The following DCTN4 variants were observed in gnomAD, a reference collection of about 807,000 sequenced individuals.
DCTN4 encodes dynactin subunit 4.
DCTN4 carries 23 observed loss-of-function variants against 62.7 expected under a neutral mutation model. The ratio of observed to expected loss-of-function variants is 0.37; its 90% CI spans 0.26 to 0.52. The LOEUF (loss-of-function observed/expected upper bound fraction) is 0.52. Among genes scored for constraint, DCTN4 ranks in the 20% least tolerant of loss-of-function variants. DCTN4 has a pLI of 0.92. For missense variants in DCTN4, 514 were observed against 580.4 expected, an observed-to-expected ratio of 0.89 and a Z score of 1.18; for synonymous variants, 199 against 202.1, an observed-to-expected ratio of 0.98 and a Z score of 0.13.
At chr5:150,725,880 T>C (rs1365694223) in intron 8 of DCTN4, among the ~76,000 whole-genome samples, 1 of 151,168 alleles carries the variant, frequency 6.6e-6, no homozygotes, top group East Asian at 1.9e-4. Context: ...CTATTTATTA[T>C]ATTTTGTTAT....
intron 1 of DCTN4, chr5:150,758,597 G>A: frequency 8.3e-7 from 1 of 1,200,734 alleles, no homozygotes; most frequent in South Asian, 2.1e-5. Flanking sequence ...AAGCCCCATC[G>A]CAGACAGACA....
chr5:150,712,418 A>G (rs1476724068), intron 12 of DCTN4, among the ~76,000 whole-genome samples: 1 of 150,756 alleles, frequency 6.6e-6, no homozygotes, highest in African/African-American at 2.4e-5. Flanking sequence ...GCATAAGCCA[A>G]TGCACCCGGC....
intron 3 of DCTN4, among the ~76,000 whole-genome samples, chr5:150,745,487 C>A (rs1484643274): frequency 6.6e-6 from 1 of 152,194 alleles, no homozygotes; most frequent in Non-Finnish European, 1.5e-5. Context: ...ACAGAATATA[C>A]ATTTTTTTCA....
At position 150,744,142 on chromosome 5, in the gene DCTN4, T is replaced by A. The variant is rs201872669; in HGVS notation, c.386-1985A>T. Reference sequence around the variant, plus strand: ...CAAGGCTCGAGAACTACATGAAGAATGCAGAAGCCTCAGGAGTCGATGCGA... The same window carrying A: ...CAAGGCTCGAGAACTACATGAAGAAAGCAGAAGCCTCAGGAGTCGATGCGA... On this transcript the variant is annotated intron_variant, in intron 3 of 12. Coordinates refer to ENST00000447998, the MANE Select transcript of DCTN4 (RefSeq NM_016221.4). 4.6e-5 allele frequency among the ~76,000 whole-genome samples: 7 copies of A among 152,092 alleles called. No individual in the cohort carries two copies. In the East Asian group the frequency reaches 1.3e-3, roughly 29 times the overall value.
In DCTN4 at chr5:150,722,879, C is replaced by T. The variant is rs1453207475; in HGVS notation, c.908+28G>A. The T allele has an allele frequency of 3.8e-6, 6 of 1,585,782 alleles. No individual in the cohort carries two copies. The African/African-American group carries it at 6.8e-5, about 18-fold the overall frequency. ...AAACCAAAATAACTCAAAACAGTAACTGAAAACACCAATCCCAAAATACTT... is the reference window on the plus strand; with the variant it reads ...AAACCAAAATAACTCAAAACAGTAATTGAAAACACCAATCCCAAAATACTT... On this transcript the variant is annotated intron_variant, in intron 9 of 12. Transcript: ENST00000447998.
At chr5:150,744,372 T>C (rs1262366371) in intron 3 of DCTN4, among the ~76,000 whole-genome samples, 2 of 151,834 alleles carry the variant, frequency 1.3e-5, no homozygotes, top group African/African-American at 4.8e-5. Flanking sequence ...CTCTGCAGGA[T>C]ATTATCCAGG....
intron 5 of DCTN4, chr5:150,731,793 G>T: frequency 8.7e-7 from 1 of 1,148,994 alleles, no homozygotes; most frequent in Non-Finnish European, 1.3e-6. Context: ...ACTATGTGGA[G>T]TGTCTAAGAT....
intron 4 of DCTN4, among the ~76,000 whole-genome samples, chr5:150,738,853 A>G (rs12657872): frequency 0.15 from 22,898 of 152,114 alleles, 3,115 homozygotes; most frequent in African/African-American, 0.36. Flanking sequence ...TCGTATGCCT[A>G]GAAAACCCTA....
intron 12 of DCTN4, among the ~76,000 whole-genome samples, 182 bp from the exon 13 acceptor site, chr5:150,711,544 C>A (rs996707420): frequency 6.6e-6 from 1 of 152,162 alleles, no homozygotes; most frequent in Non-Finnish European, 1.5e-5. Context: ...CTCGCTCTGT[C>A]GCCCAGGCTG....
chr5:150,757,547 G>A (rs1429233138), intron 1 of DCTN4, among the ~76,000 whole-genome samples: 1 of 152,152 alleles, frequency 6.6e-6, no homozygotes, highest in African/African-American at 2.4e-5. Context: ...AGATCATGGA[G>A]ACTGAGCACT....
intron 8 of DCTN4, among the ~76,000 whole-genome samples, chr5:150,727,525 C>T (rs1315882616): frequency 6.6e-6 from 1 of 151,934 alleles, no homozygotes; most frequent in Non-Finnish European, 1.5e-5. Context: ...GCCTGTAATC[C>T]CAGCATTTTG....
At chr5:150,732,364 T>C (rs1005569322) in intron 5 of DCTN4, among the ~76,000 whole-genome samples, 3 of 152,212 alleles carry the variant, frequency 2.0e-5, no homozygotes, top group South Asian at 2.1e-4. Context: ...TTGGCCAGAC[T>C]GGTCTTGAAA....
intron 3 of DCTN4, among the ~76,000 whole-genome samples, chr5:150,747,476 T>C (rs993586284): frequency 3.3e-5 from 5 of 152,284 alleles, no homozygotes; most frequent in East Asian, 1.9e-4. Context: ...GAGCCCGCAT[T>C]GCCAAGTCAA....
At chr5:150,716,349 G>GTT (rs1759757470) in intron 11 of DCTN4, among the ~76,000 whole-genome samples, 1 of 152,040 alleles carries the variant, frequency 6.6e-6, no homozygotes, top group Non-Finnish European at 1.5e-5. Context: ...TTTTGACATG[G>GTT]TACCAGCTGA....
At position 150,710,778 on chromosome 5, in the gene DCTN4, T is replaced by C. The variant is rs1010520503; in HGVS notation, c.*371A>G. 6.9e-5 allele frequency: 16 copies of C among 230,544 alleles called. No individual in the cohort carries two copies. The highest frequency in any genetic ancestry group is 2.0e-4 in the Admixed American group (4 of 19,990). 14.3% of individuals were successfully genotyped at this position (230,544 alleles called of 1,614,324 possible). A position where few individuals can be genotyped will look rare whatever the true frequency, so the allele number is the denominator to read the frequency against. ...CCTTTGGGTTATCATTTAAGTTTCATCTGTGACATTGTGATCCTTAGTGAG... is the reference window on the plus strand; with the variant it reads ...CCTTTGGGTTATCATTTAAGTTTCACCTGTGACATTGTGATCCTTAGTGAG... On this transcript the variant is annotated 3_prime_UTR_variant, in exon 13 of 13. Coordinates refer to ENST00000447998, the MANE Select transcript of DCTN4 (RefSeq NM_016221.4).
At chr5:150,731,565 T>C (rs1439667003) in intron 5 of DCTN4, 76 bp from the exon 6 acceptor site, 1 of 1,203,104 alleles carries the variant, frequency 8.3e-7, no homozygotes, top group Non-Finnish European at 1.2e-6. Flanking sequence ...GAATTTTGGG[T>C]AGGATAGCAT....
intron 4 of DCTN4, among the ~76,000 whole-genome samples, chr5:150,734,844 G>A (rs1464505549): frequency 3.3e-5 from 5 of 152,188 alleles, no homozygotes; most frequent in African/African-American, 7.2e-5. Flanking sequence ...CATGGGAGCT[G>A]GGTGAAGCCT....
chr5:150,712,813 T>G (rs187778027), intron 12 of DCTN4, among the ~76,000 whole-genome samples: 16 of 152,346 alleles, frequency 1.1e-4, no homozygotes, highest in African/African-American at 3.8e-4. Context: ...ACAGAATTTG[T>G]CTACTACCCA....
intron 8 of DCTN4, among the ~76,000 whole-genome samples, chr5:150,723,620 C>T (rs1004367212): frequency 3.9e-5 from 6 of 152,208 alleles, no homozygotes; most frequent in African/African-American, 1.4e-4. Context: ...AGGCATGAGC[C>T]ACTGCACTAG....
Sources: allele counts gnomAD v4.1 joint callset (sites outside exome capture counted in the v4.1 genomes callset), GRCh38; gene constraint gnomAD v4.1.1; transcripts MANE v1.5; gene names NCBI Gene and HGNC (gene_info 2026-07-23, HGNC 2026-07-21).